Variants in PSD3 observed in about 807,000 individuals in gnomAD.
PSD3 encodes PH and SEC7 domain-containing protein 3.
Under a neutral mutation model 105.5 loss-of-function variants are expected in PSD3, and 49 were observed. The ratio of observed to expected loss-of-function variants is 0.46; its 90% CI spans 0.37 to 0.59. The LOEUF is 0.59. Among genes scored for constraint, PSD3 ranks in the 20% least tolerant of loss-of-function variants. The pLI is 0.00. For missense variants in PSD3, 1,561 were observed against 1,263.8 expected (o/e 1.24, Z -3.57); for synonymous variants, 557 against 457.8 (o/e 1.22, Z -2.77).
At chr8:18,738,941 A>G (rs1804355921) in intron 9 of PSD3, among the ~76,000 whole-genome samples, 1 of 152,172 alleles carries the variant, frequency 6.6e-6, no homozygotes. Context: ...TATATTTTAA[A>G]GACAAAAAAA....
intron 4 of PSD3, among the ~76,000 whole-genome samples, chr8:18,838,802 A>AAATAATAATAATAAT (rs55792203): frequency 7.6e-6 from 1 of 131,870 alleles, no homozygotes. Context: ...ACTCCGTCTC[A>AAATAATAATAATAAT]AATAATAATA....
At chr8:18,988,287 G>A (rs7826466) in intron 1 of PSD3, among the ~76,000 whole-genome samples, 46,717 of 151,878 alleles carry the variant, frequency 0.31, 7,402 homozygotes, top group Non-Finnish European at 0.35. Context: ...GTGTAGTAAA[G>A]GGAATGAAAG....
chr8:19,081,119 C>T (rs1829632737), intron 1 of PSD3, among the ~76,000 whole-genome samples: 2 of 152,106 alleles, frequency 1.3e-5, no homozygotes, highest in Non-Finnish European at 2.9e-5. Flanking sequence ...GGCTCTGGTC[C>T]CGGCCCATAG....
intron 1 of PSD3, among the ~76,000 whole-genome samples, chr8:18,936,872 C>G (rs1230019704): frequency 1.3e-5 from 2 of 152,086 alleles, no homozygotes; most frequent in Admixed American, 1.3e-4. Flanking sequence ...TGTTAAAGTA[C>G]ACCAACAAAA....
Position 18,833,997 on chromosome 8 carries a change from G to C in PSD3, c.1635-29099C>G, listed in dbSNP as rs566379366. ...AAGAATAAAATTTATGAAGTAGCTA[G>C]GAATAAACTTAAGAAAACTAAAATA... On this transcript the variant is annotated intron_variant, in intron 4 of 15. Transcript: ENST00000327040. 2.4e-4 allele frequency among the ~76,000 whole-genome samples: 37 copies of C among 152,044 alleles called. 1 individual carries two copies. In the South Asian group the frequency reaches 6.7e-3, roughly 27 times the overall value.
intron 10 of PSD3, among the ~76,000 whole-genome samples, chr8:18,641,774 T>C (rs1807660287): frequency 6.6e-6 from 1 of 152,180 alleles, no homozygotes; most frequent in Non-Finnish European, 1.5e-5. Flanking sequence ...TGTGATCAGA[T>C]GATTGCAGGA....
chr8:18,679,647 A>G (rs1359470347), intron 9 of PSD3, among the ~76,000 whole-genome samples: 2 of 152,172 alleles, frequency 1.3e-5, no homozygotes, highest in Non-Finnish European at 2.9e-5. Context: ...TTTAGGGATG[A>G]GTCTTGGGGA....
chr8:19,013,901 A>T (rs1028005772), upstream of PSD3, among the ~76,000 whole-genome samples: 1 of 66,190 alleles, frequency 1.5e-5, no homozygotes, highest in Non-Finnish European at 3.3e-5. Context: ...TGGGCCTCCG[A>T]GGCGGGGGCG....
At chr8:18,909,630 C>G (rs1324576604) in intron 2 of PSD3, among the ~76,000 whole-genome samples, 1 of 152,022 alleles carries the variant, frequency 6.6e-6, no homozygotes, top group Non-Finnish European at 1.5e-5. Context: ...ACTACAGGCT[C>G]ACGTTACCAT....
chr8:18,847,951 AG>A (rs1392134732), intron 4 of PSD3, among the ~76,000 whole-genome samples: 3 of 152,218 alleles, frequency 2.0e-5, no homozygotes, highest in Non-Finnish European at 4.4e-5. Flanking sequence ...TTAAATATTC[AG>A]GGAAGAAAAA....
At chr8:18,722,904 T>C (rs1448883261) in intron 9 of PSD3, among the ~76,000 whole-genome samples, 1 of 152,194 alleles carries the variant, frequency 6.6e-6, no homozygotes, top group East Asian at 1.9e-4. Context: ...AACCCCACAA[T>C]GAGCAACAAT....
chr8:18,908,582 A>G (rs1819995462), intron 2 of PSD3, among the ~76,000 whole-genome samples: 1 of 152,212 alleles, frequency 6.6e-6, no homozygotes, highest in East Asian at 1.9e-4. Flanking sequence ...TCCCGTTCTG[A>G]TCCTGATCAT....
intron 2 of PSD3, among the ~76,000 whole-genome samples, chr8:18,896,565 C>T (rs536610400): frequency 6.6e-6 from 1 of 152,098 alleles, no homozygotes; most frequent in Non-Finnish European, 1.5e-5. Flanking sequence ...AGGCACACAC[C>T]ACCACCTCAG....
chr8:18,628,420 G>C (rs1228772378), intron 11 of PSD3, among the ~76,000 whole-genome samples: 2 of 151,772 alleles, frequency 1.3e-5, no homozygotes, highest in Non-Finnish European at 2.9e-5. Flanking sequence ...GCAGGGCAGG[G>C]AAAAATGAAA....
At chr8:18,568,336 ACT>A (rs1346444176) in intron 14 of PSD3, among the ~76,000 whole-genome samples, 1 of 152,080 alleles carries the variant, frequency 6.6e-6, no homozygotes, top group African/African-American at 2.4e-5. Context: ...AATCTAAGTA[ACT>A]TTTTGGAAAA....
At chr8:18,779,932 A>C (rs57557661) in intron 8 of PSD3, among the ~76,000 whole-genome samples, 12,610 of 152,286 alleles carry the variant, frequency 0.083, 1,134 homozygotes, top group East Asian at 0.33. Flanking sequence ...ATGTCTATCA[A>C]GCGCATTTGA....
intron 1 of PSD3, among the ~76,000 whole-genome samples, chr8:19,005,427 G>A (rs1586615802): frequency 6.6e-6 from 1 of 152,108 alleles, no homozygotes; most frequent in East Asian, 1.9e-4. Context: ...TGCCTGTGAT[G>A]AGGGATAGGA....
At chr8:19,038,690 G>A (rs1828026436) in intron 1 of PSD3, among the ~76,000 whole-genome samples, 1 of 152,050 alleles carries the variant, frequency 6.6e-6, no homozygotes, top group Non-Finnish European at 1.5e-5. Flanking sequence ...TCAAACTACT[G>A]GGCTCAAGTG....
At chr8:18,671,625 T>A (rs1385463656) in intron 9 of PSD3, among the ~76,000 whole-genome samples, 1 of 150,954 alleles carries the variant, frequency 6.6e-6, no homozygotes, top group Non-Finnish European at 1.5e-5. Context: ...CCTGATTTTG[T>A]TTTTTTGTTT....
Sources: allele counts gnomAD v4.1 joint callset (sites outside exome capture counted in the v4.1 genomes callset), GRCh38; gene constraint gnomAD v4.1.1; transcripts MANE v1.5; gene names NCBI Gene and HGNC (gene_info 2026-07-23, HGNC 2026-07-21).